The following GPC6 variants were observed in gnomAD, a reference collection of about 807,000 sequenced individuals.
The protein encoded by GPC6 is glypican 6, also known as glypican-6.
In GPC6, 14 loss-of-function variants were observed where a neutral mutation model predicts 55.2. That is an observed-to-expected ratio of 0.25 (90% CI 0.17 to 0.40). The LOEUF is 0.40. GPC6 is among the 10% of genes least tolerant of loss of function. GPC6 has a pLI of 1.00. For missense variants in GPC6, 641 were observed against 708.5 expected (o/e 0.90, Z 1.08); for synonymous variants, 278 against 259.6 (o/e 1.07, Z -0.68).
At chr13:94,162,025 C>T (rs1029220662) in intron 4 of GPC6, among the ~76,000 whole-genome samples, 2 of 152,106 alleles carry the variant, frequency 1.3e-5, no homozygotes, top group Non-Finnish European at 2.9e-5. Context: ...TGGGAGAAAC[C>T]ACCCCCATGA....
intron 1 of GPC6, among the ~76,000 whole-genome samples, chr13:93,485,083 C>A (rs1012106695): frequency 3.3e-5 from 5 of 152,082 alleles, no homozygotes; most frequent in African/African-American, 1.2e-4. Context: ...GTTAGCCCCC[C>A]CTGGAGATGT....
chr13:94,061,510 A>T (rs182663338), intron 4 of GPC6, among the ~76,000 whole-genome samples: 12 of 152,096 alleles, frequency 7.9e-5, no homozygotes, highest in Admixed American at 5.2e-4. Context: ...GAGCAAAGGG[A>T]GGGGTCTGAA....
In GPC6 at chr13:93,901,077, C is replaced by A. The variant is rs189096585; in HGVS notation, c.711+70532C>A. ...TACTTTCCTGAAATAGAGGTCTGTG[C>A]AGACTTTTTATATTCATATTTGCAG... On this transcript the variant is annotated intron_variant, in intron 3 of 8. Transcript: ENST00000377047. 4.0e-3 allele frequency among the ~76,000 whole-genome samples: 608 copies of A among 152,226 alleles called. 2 individuals carry two copies. The highest frequency in any genetic ancestry group is 0.013 in the African/African-American group (560 of 41,556).
rs138788883 is a variant in GPC6 at position 94,232,850 on chromosome 13, A to ACTGG, written c.878-53495_878-53492dup. Among the ~76,000 whole-genome samples, 109 of 152,202 alleles carry ACTGG rather than the reference A, an allele frequency of 7.2e-4. No homozygotes were observed. The East Asian group carries it at 0.02, about 28-fold the overall frequency. The stretch of plus-strand genomic sequence containing the variant: ...TGGAGGAGTAGAAAGGACTCTAGTG[A>ACTGG]CTGGCTGATTGTTACCATTTTTGGC... On this transcript the variant is annotated intron_variant, in intron 4 of 8. Coordinates refer to ENST00000377047, the MANE Select transcript of GPC6 (RefSeq NM_005708.5).
intron 6 of GPC6, among the ~76,000 whole-genome samples, chr13:94,312,044 G>A (rs143406126): frequency 1.3e-5 from 2 of 152,302 alleles, no homozygotes; most frequent in Admixed American, 1.3e-4. Flanking sequence ...CATGACCCTT[G>A]TAGCTTTCCT....
At chr13:93,881,543 A>G (rs1163419784) in intron 3 of GPC6, among the ~76,000 whole-genome samples, 1 of 152,006 alleles carries the variant, frequency 6.6e-6, no homozygotes, top group African/African-American at 2.4e-5. Context: ...CTGGACAATG[A>G]TTACTTGGAG....
At position 93,930,597 on chromosome 13, in the gene GPC6, A is replaced by G. The variant is rs192153364; in HGVS notation, c.712-97132A>G. ...GAAACCAAGGGTTTTACAATACAGT[A>G]CAATATGACTGTACACACATATTAC... On this transcript the variant is annotated intron_variant, in intron 3 of 8. Coordinates refer to ENST00000377047, the MANE Select transcript of GPC6 (RefSeq NM_005708.5). Among the ~76,000 whole-genome samples the G allele has an allele frequency of 4.1e-3, 624 of 152,134 alleles. 8 individuals carry two copies. The highest frequency in any genetic ancestry group is 0.014 in the African/African-American group (597 of 41,512).
At chr13:93,779,884 T>A (rs1269294576) in intron 2 of GPC6, among the ~76,000 whole-genome samples, 1 of 152,188 alleles carries the variant, frequency 6.6e-6, no homozygotes, top group East Asian at 1.9e-4. Context: ...TATTCCCTCA[T>A]TTGTGTGCAT....
At chr13:93,277,080 A>T (rs916088651) in intron 1 of GPC6, among the ~76,000 whole-genome samples, 1 of 152,110 alleles carries the variant, frequency 6.6e-6, no homozygotes, top group African/African-American at 2.4e-5. Context: ...TTTTCCTCAA[A>T]ATTGTCTCCC....
chr13:93,367,518 T>C (rs1470718195), intron 1 of GPC6, among the ~76,000 whole-genome samples: 1 of 152,066 alleles, frequency 6.6e-6, no homozygotes, highest in Non-Finnish European at 1.5e-5. Flanking sequence ...TCTAGGTTTT[T>C]GAAGTGGGTG....
At chr13:94,288,937 A>ATATTT (rs1566638391) in intron 5 of GPC6, among the ~76,000 whole-genome samples, 1,949 of 113,722 alleles carry the variant, frequency 0.017, 26 homozygotes, top group East Asian at 0.077. Context: ...AAATATAGAT[A>ATATTT]GATAGATAGA....
intron 2 of GPC6, among the ~76,000 whole-genome samples, chr13:93,618,366 T>C (rs1421451558): frequency 6.6e-6 from 1 of 152,086 alleles, no homozygotes; most frequent in Non-Finnish European, 1.5e-5. Flanking sequence ...TCAGCAACTG[T>C]ACACCTACTT....
intron 5 of GPC6, among the ~76,000 whole-genome samples, chr13:94,297,356 G>A (rs753608266): frequency 1.1e-4 from 17 of 152,112 alleles, no homozygotes; most frequent in Non-Finnish European, 1.3e-4. Flanking sequence ...CTTATATTCT[G>A]CAAAGTGATC....
chr13:93,613,106 A>T (rs1056026691), intron 2 of GPC6, among the ~76,000 whole-genome samples: 1 of 152,176 alleles, frequency 6.6e-6, no homozygotes, highest in Non-Finnish European at 1.5e-5. Context: ...GCTGCCAGTG[A>T]TATGTAGAAA....
chr13:94,125,505 A>T (rs1886776541), intron 4 of GPC6, among the ~76,000 whole-genome samples: 1 of 152,140 alleles, frequency 6.6e-6, no homozygotes, highest in Non-Finnish European at 1.5e-5. Context: ...AAAGGCTTTT[A>T]AAAATATAGT....
At chr13:93,400,695 T>C (rs950932917) in intron 1 of GPC6, among the ~76,000 whole-genome samples, 4 of 152,154 alleles carry the variant, frequency 2.6e-5, no homozygotes, top group African/African-American at 7.2e-5. Context: ...TGTATCAAAA[T>C]ATCTCATGTA....
intron 1 of GPC6, among the ~76,000 whole-genome samples, chr13:93,290,318 G>A (rs988254212): frequency 6.6e-6 from 1 of 151,962 alleles, no homozygotes; most frequent in Non-Finnish European, 1.5e-5. Context: ...TTGTACGCTG[G>A]GGCATATCAA....
At chr13:93,916,529 T>C (rs1877303807) in intron 3 of GPC6, among the ~76,000 whole-genome samples, 1 of 152,160 alleles carries the variant, frequency 6.6e-6, no homozygotes, top group African/African-American at 2.4e-5. Context: ...TTATTTCTCA[T>C]TGGTACTGTA....
intron 4 of GPC6, among the ~76,000 whole-genome samples, chr13:94,237,029 C>A (rs551518459): frequency 2.0e-5 from 3 of 152,054 alleles, no homozygotes; most frequent in African/African-American, 7.2e-5. Flanking sequence ...TCATATTGCT[C>A]CAAGAGTAAT....
Sources: allele counts gnomAD v4.1 joint callset (sites outside exome capture counted in the v4.1 genomes callset), GRCh38; gene constraint gnomAD v4.1.1; transcripts MANE v1.5; gene names NCBI Gene and HGNC (gene_info 2026-07-23, HGNC 2026-07-21).